The following RASA3 variants were observed in gnomAD, a reference collection of about 807,000 sequenced individuals.
The protein encoded by RASA3 is RAS p21 protein activator 3.
A neutral mutation model predicts 110.0 loss-of-function variants in RASA3; 73 were observed. That is an observed-to-expected ratio of 0.66 (90% CI 0.55 to 0.81). The LOEUF (loss-of-function observed/expected upper bound fraction) is 0.81. Among genes scored for constraint, RASA3 ranks in the 30% least tolerant of loss-of-function variants. RASA3 has a pLI of 0.00. For missense variants in RASA3, 976 were observed against 1,113.2 expected, an observed-to-expected ratio of 0.88 and a Z score of 1.75; for synonymous variants, 500 against 451.4, an observed-to-expected ratio of 1.11 and a Z score of -1.37.
At chr13:114,059,394 G>T (rs1385308135) in intron 2 of RASA3, among the ~76,000 whole-genome samples, 3 of 152,266 alleles carry the variant, frequency 2.0e-5, no homozygotes, top group Non-Finnish European at 4.4e-5. Context: ...TGTGACAGAC[G>T]TCGCTGAAGC....
At chr13:114,122,731 G>T (rs1263007759) in intron 1 of RASA3, among the ~76,000 whole-genome samples, 1 of 151,380 alleles carries the variant, frequency 6.6e-6, no homozygotes, top group Non-Finnish European at 1.5e-5. Flanking sequence ...AGCTAGGAAG[G>T]GGGTCTCCGG....
At chr13:114,076,517 ACACGCAGCACACG>A (rs1170579936) in intron 1 of RASA3, among the ~76,000 whole-genome samples, 50 of 151,998 alleles carry the variant, frequency 3.3e-4, no homozygotes, top group Non-Finnish European at 6.0e-4. Flanking sequence ...CGCAGCGCAC[ACACGCAGCACACG>A]CACGCAGGCA....
chr13:114,000,401 T>C (rs909889902), intron 19 of RASA3, among the ~76,000 whole-genome samples: 1 of 152,014 alleles, frequency 6.6e-6, no homozygotes, highest in Non-Finnish European at 1.5e-5. Flanking sequence ...TTCTGGGACA[T>C]GAACATGGGA....
At chr13:114,015,366 G>C (rs766629545) in intron 13 of RASA3, 34 bp from the exon 14 acceptor site, 1 of 1,609,522 alleles carries the variant, frequency 6.2e-7, no homozygotes, top group African/African-American at 1.3e-5. Context: ...ACCCACTCCC[G>C]AGGCTGCCCA....
At chr13:113,997,770 G>T (rs1031549694) in intron 20 of RASA3, among the ~76,000 whole-genome samples, 7 of 152,168 alleles carry the variant, frequency 4.6e-5, no homozygotes, top group Non-Finnish European at 1.0e-4. Context: ...GAGTCAGGGG[G>T]ACAGTGGCCT....
chr13:114,022,111 G>A (rs897902137), intron 8 of RASA3, among the ~76,000 whole-genome samples: 3 of 152,262 alleles, frequency 2.0e-5, no homozygotes, highest in Admixed American at 1.3e-4. Flanking sequence ...TGGATTCAGG[G>A]GCCATGCACA....
At chr13:114,019,063 T>G in intron 9 of RASA3, 144 bp from the exon 10 acceptor site, 1 of 1,058,718 alleles carries the variant, frequency 9.4e-7, no homozygotes, top group Non-Finnish European at 1.3e-6. Flanking sequence ...CCCTGGGGAC[T>G]CCCCACCGAA....
chr13:114,116,088 C>T (rs1242981564), intron 1 of RASA3, among the ~76,000 whole-genome samples: 1 of 152,210 alleles, frequency 6.6e-6, no homozygotes, highest in East Asian at 1.9e-4. Context: ...GGGCGGAACC[C>T]CGGGTCCCCT....
chr13:114,116,869 G>C (rs1438422597), intron 1 of RASA3, among the ~76,000 whole-genome samples: 1 of 143,704 alleles, frequency 7.0e-6, no homozygotes, highest in Non-Finnish European at 1.5e-5. Context: ...TGTGTGAGGG[G>C]TGCACATGTA....
chr13:114,057,354 C>T lies in RASA3; in HGVS notation c.174-5199G>A, dbSNP rs571189390. On this transcript the variant is annotated intron_variant, in intron 2 of 23. Coordinates refer to ENST00000334062, the MANE Select transcript of RASA3 (RefSeq NM_007368.4). This position sits in a 1 kb window ranked among gnomAD's most constrained non-coding sequence, Gnocchi z 5.0. ...CCACTGTGACCAAGCTTCATTCCCA[C>T]GAGCTGGACGAGCAGAAGGCATTGC... is the stretch of plus-strand genomic sequence containing the variant. 2.6e-5 allele frequency: 26 copies of T among 985,392 alleles called. No homozygotes were observed. Among genetic ancestry groups the T allele is most frequent in the South Asian group, 1.9e-4 (4 of 21,276 alleles). 61.0% of individuals were successfully genotyped at this position (985,392 alleles called of 1,614,324 possible). A position where few individuals can be genotyped will look rare whatever the true frequency, so the allele number is the denominator to read the frequency against.
intron 3 of RASA3, among the ~76,000 whole-genome samples, chr13:114,042,016 T>C (rs1021439354): frequency 6.6e-6 from 1 of 152,244 alleles, no homozygotes; most frequent in Non-Finnish European, 1.5e-5. Context: ...CTTAGTACTT[T>C]GGGGCTACGC....
chr13:114,062,921 G>A (rs1033663621), intron 2 of RASA3, among the ~76,000 whole-genome samples: 7 of 152,246 alleles, frequency 4.6e-5, no homozygotes, highest in African/African-American at 1.7e-4. Flanking sequence ...CCATGGGCCA[G>A]ACGCTTCCAC....
At chr13:114,100,386 C>T (rs2080041194) in intron 1 of RASA3, among the ~76,000 whole-genome samples, 1 of 152,186 alleles carries the variant, frequency 6.6e-6, no homozygotes, top group Admixed American at 6.5e-5. Context: ...GTGCGCAACA[C>T]CCAGGAGCCG....
chr13:114,027,772 G>T, intron 6 of RASA3, 75 bp downstream of exon 6: 1 of 1,434,858 alleles, frequency 7.0e-7, no homozygotes, highest in Non-Finnish European at 9.8e-7. Flanking sequence ...AAATGAGGCA[G>T]TGGTCTCGTG....
intron 18 of RASA3, among the ~76,000 whole-genome samples, chr13:114,003,765 C>A (rs1182755007): frequency 2.0e-5 from 3 of 152,172 alleles, no homozygotes; most frequent in Admixed American, 6.5e-5. Flanking sequence ...TATTTTTCTA[C>A]CTATTTAAAA....
At chr13:114,117,095 ATGTG>A (rs1318315006) in intron 1 of RASA3, among the ~76,000 whole-genome samples, 8 of 124,940 alleles carry the variant, frequency 6.4e-5, no homozygotes, top group African/African-American at 2.6e-4. Flanking sequence ...TGAGGGATGC[ATGTG>A]TGTGAGGAGA....
At chr13:114,015,103 C>T in intron 14 of RASA3, 106 bp downstream of exon 14, 1 of 1,459,752 alleles carries the variant, frequency 6.9e-7, no homozygotes, top group Non-Finnish European at 9.3e-7. Context: ...CACGACCCCG[C>T]AGTTCTAGTC....
chr13:114,040,933 CG>C, intron 4 of RASA3, 66 bp downstream of exon 4: 1 of 1,466,540 alleles, frequency 6.8e-7, no homozygotes, highest in Non-Finnish European at 9.5e-7. Flanking sequence ...CAGTCGGAGC[CG>C]GGCCCGTCTC....
At chr13:114,022,920 A>G (rs888856780) in intron 8 of RASA3, among the ~76,000 whole-genome samples, 5 of 152,126 alleles carry the variant, frequency 3.3e-5, no homozygotes, top group Admixed American at 6.5e-5. Context: ...GGGACATTCT[A>G]TGGTTCAGGA....
Sources: allele counts gnomAD v4.1 joint callset (sites outside exome capture counted in the v4.1 genomes callset), GRCh38; gene constraint gnomAD v4.1.1; non-coding constraint Gnocchi (gnomAD v3.1); transcripts MANE v1.5; gene names NCBI Gene and HGNC (gene_info 2026-07-23, HGNC 2026-07-21).